OSBPL11: variants seen among roughly 807,000 people sequenced by gnomAD.
The protein encoded by OSBPL11 is oxysterol binding protein like 11.
A neutral mutation model predicts 84.4 loss-of-function variants in OSBPL11; 33 were observed. The ratio of observed to expected loss-of-function variants is 0.39; its 90% confidence interval spans 0.30 to 0.52. The LOEUF is 0.52. Among genes scored for constraint, OSBPL11 ranks in the 20% least tolerant of loss-of-function variants. The pLI is 0.72. For synonymous variants in OSBPL11, 276 were observed against 310.2 expected (o/e 0.89, Z 1.16); for missense variants, 736 against 901.1 (o/e 0.82, Z 2.35).
chr3:125,593,292 A>G (rs1318786776), intron 1 of OSBPL11, among the ~76,000 whole-genome samples: 2 of 152,134 alleles, frequency 1.3e-5, no homozygotes, highest in Non-Finnish European at 2.9e-5. Context: ...CTAACTGAAT[A>G]TATCTTCTTA....
chr3:125,576,681 AT>A (rs56251260), intron 4 of OSBPL11, among the ~76,000 whole-genome samples: 329 of 146,618 alleles, frequency 2.2e-3, no homozygotes, highest in African/African-American at 4.3e-3. Context: ...AACACCATGA[AT>A]TTTTTTTTTT....
chr3:125,586,422 T>C (rs1279994142), intron 1 of OSBPL11, among the ~76,000 whole-genome samples: 1 of 152,230 alleles, frequency 6.6e-6, no homozygotes, highest in Non-Finnish European at 1.5e-5. Flanking sequence ...GTGGCTTTAT[T>C]ATATTGTGTT....
chr3:125,560,062 C>T (rs571339812), intron 8 of OSBPL11, among the ~76,000 whole-genome samples: 2 of 152,094 alleles, frequency 1.3e-5, no homozygotes, highest in South Asian at 4.2e-4. Context: ...GAGCTCGAGA[C>T]CCGCCTGGCC....
intron 2 of OSBPL11, among the ~76,000 whole-genome samples, chr3:125,581,694 T>TC (rs1936428384): frequency 2.2e-5 from 1 of 45,268 alleles, no homozygotes; most frequent in Non-Finnish European, 3.5e-5. Flanking sequence ...AGACTCCATC[T>TC]CAAAAAAAAA....
At chr3:125,582,537 A>G (rs938113232) in intron 2 of OSBPL11, among the ~76,000 whole-genome samples, 5 of 152,188 alleles carry the variant, frequency 3.3e-5, no homozygotes, top group Non-Finnish European at 5.9e-5. Context: ...AACCTCTTCA[A>G]GATCCCAGAG....
At chr3:125,586,959 T>C (rs532068407) in intron 1 of OSBPL11, among the ~76,000 whole-genome samples, 3 of 152,272 alleles carry the variant, frequency 2.0e-5, no homozygotes, top group African/African-American at 4.8e-5. Flanking sequence ...TGAAAAACCA[T>C]TGAAAAGCAT....
At chr3:125,560,001 C>A (rs1269750209) in intron 8 of OSBPL11, among the ~76,000 whole-genome samples, 1 of 151,994 alleles carries the variant, frequency 6.6e-6, no homozygotes, top group Non-Finnish European at 1.5e-5. Context: ...ATGGCTCACG[C>A]CTGTAATCCC....
intron 5 of OSBPL11, among the ~76,000 whole-genome samples, chr3:125,572,007 G>A (rs1043169661): frequency 1.3e-5 from 2 of 152,250 alleles, no homozygotes; most frequent in South Asian, 2.1e-4. Context: ...ATGCCAGCCC[G>A]TGAAAGCAGC....
intron 7 of OSBPL11, 72 bp downstream of exon 7, chr3:125,563,626 G>GA (rs1936109591): frequency 3.4e-6 from 5 of 1,488,898 alleles, no homozygotes; most frequent in Non-Finnish European, 4.6e-6. Context: ...AGCTGACAAT[G>GA]AAAAGAAAAC....
Position 125,582,990 on chromosome 3 carries a change from T to C in OSBPL11, c.165-12A>G, listed in dbSNP as rs374107303. 2 of 1,566,978 alleles carry C rather than the reference T, an allele frequency of 1.3e-6. No individual in the cohort carries two copies. The highest frequency in any genetic ancestry group is 2.3e-5 in the East Asian group (1 of 43,796). ...TTTCCATGTGATCACTATTTCAAAA[T>C]GAAAAAGCCAAAGTTAGTAAAAATT... is the stretch of plus-strand genomic sequence containing the variant. On this transcript the variant is annotated splice_polypyrimidine_tract_variant and intron_variant, in intron 1 of 12. Coordinates refer to ENST00000296220, the MANE Select transcript of OSBPL11 (RefSeq NM_022776.5).
At chr3:125,565,258 T>A (rs993258087) in intron 6 of OSBPL11, among the ~76,000 whole-genome samples, 6 of 151,984 alleles carry the variant, frequency 3.9e-5, no homozygotes, top group Non-Finnish European at 8.8e-5. Flanking sequence ...AAAAAATATA[T>A]AATATATTGT....
intron 6 of OSBPL11, among the ~76,000 whole-genome samples, chr3:125,566,916 G>C (rs572169124): frequency 4.6e-5 from 7 of 152,172 alleles, no homozygotes; most frequent in South Asian, 4.2e-4. Flanking sequence ...CCAAGTAGCT[G>C]AGATTACAGG....
chr3:125,531,005 G>A (rs1473661217), intron 12 of OSBPL11, among the ~76,000 whole-genome samples: 3 of 151,026 alleles, frequency 2.0e-5, no homozygotes, highest in South Asian at 2.1e-4. Flanking sequence ...CCCCCAAGAC[G>A]GAGTCTTGCT....
At chr3:125,552,704 G>C (rs551059078) in intron 8 of OSBPL11, 25 bp from the exon 9 acceptor site, 1 of 1,594,666 alleles carries the variant, frequency 6.3e-7, no homozygotes, top group African/African-American at 1.3e-5. Flanking sequence ...AATGAAAGAG[G>C]GGAAATTTAA....
chr3:125,576,206 G>A lies in OSBPL11; in HGVS notation c.649C>T (p.Leu217Phe). The A allele has an allele frequency of 1.2e-6, 2 of 1,607,146 alleles. No individual in the cohort carries two copies. The highest frequency in any genetic ancestry group is 1.1e-5 in the South Asian group (1 of 89,530). Residue 217 changes from leucine (L) to phenylalanine (F), a missense_variant, in exon 5 of 13, where the codon CTT (leucine) becomes TTT (phenylalanine). Transcript: ENST00000296220. ...ATACTTACTTCTCTGACTTCCACAA[G>A]ATGGTCTGGAGGTAAATTAGTTCTT... ...SKRTNLPPDH[L>F]VEVREMMSHA...
intron 11 of OSBPL11, among the ~76,000 whole-genome samples, chr3:125,533,767 A>G (rs1935596894): frequency 6.6e-6 from 1 of 152,264 alleles, no homozygotes; most frequent in South Asian, 2.1e-4. Flanking sequence ...AAAATGAAGT[A>G]ACAACTTGCA....
At chr3:125,583,129 C>T in intron 1 of OSBPL11, 151 bp from the exon 2 acceptor site, 1 of 545,362 alleles carries the variant, frequency 1.8e-6, no homozygotes, top group Non-Finnish European at 3.2e-6. Context: ...TCAACAGAGG[C>T]ATTTAATCTC....
At chr3:125,531,793 A>C (rs1935559757) in intron 12 of OSBPL11, 68 bp downstream of exon 12, 1 of 1,433,620 alleles carries the variant, frequency 7.0e-7, no homozygotes, top group Non-Finnish European at 9.4e-7. Flanking sequence ...GCAATTCAAC[A>C]AAGCCTAGTA....
chr3:125,553,710 C>T (rs1373526917), intron 8 of OSBPL11, among the ~76,000 whole-genome samples: 1 of 152,178 alleles, frequency 6.6e-6, no homozygotes, highest in African/African-American at 2.4e-5. Context: ...ACGGTTCTAG[C>T]TAACTGAAGT....
Sources: allele counts gnomAD v4.1 joint callset (sites outside exome capture counted in the v4.1 genomes callset), GRCh38; gene constraint gnomAD v4.1.1; transcripts MANE v1.5; gene names NCBI Gene and HGNC (gene_info 2026-07-23, HGNC 2026-07-21).